The following IQUB variants were observed in gnomAD, a reference collection of about 807,000 sequenced individuals.
The protein encoded by IQUB is IQ motif and ubiquitin-like domain-containing protein.
A neutral mutation model predicts 86.4 loss-of-function variants in IQUB; 86 were observed. That is an observed-to-expected ratio of 1.00 (90% CI 0.84 to 1.19). IQUB has a LOEUF of 1.19. Ranked by LOEUF, IQUB falls within the 50% of genes most tolerant of loss-of-function variation. The pLI is 0.00. For missense variants in IQUB, 946 were observed against 916.9 expected, an observed-to-expected ratio of 1.03 and a Z score of -0.41; for synonymous variants, 289 against 304.5, an observed-to-expected ratio of 0.95 and a Z score of 0.53.
At chr7:123,479,558 A>G (rs1316893139) in intron 8 of IQUB, among the ~76,000 whole-genome samples, 2 of 152,116 alleles carry the variant, frequency 1.3e-5, no homozygotes, top group Non-Finnish European at 2.9e-5. Context: ...CTTCATGGCC[A>G]ATCCCCTTAA....
intron 7 of IQUB, among the ~76,000 whole-genome samples, chr7:123,483,143 A>G (rs1795077982): frequency 6.6e-6 from 1 of 152,046 alleles, no homozygotes; most frequent in Admixed American, 6.6e-5. Context: ...CTGTCCTTGC[A>G]CTTCCACAAG....
chr7:123,462,693 G>C (rs1385670259), intron 10 of IQUB: 1 of 313,030 alleles, frequency 3.2e-6, no homozygotes, highest in African/African-American at 2.2e-5. Flanking sequence ...TGTTTATCTT[G>C]AATGATTATT....
At chr7:123,520,793 G>C (rs1796869102) in intron 1 of IQUB, among the ~76,000 whole-genome samples, 1 of 152,094 alleles carries the variant, frequency 6.6e-6, no homozygotes, top group African/African-American at 2.4e-5. Flanking sequence ...GGTGACAGTA[G>C]AGGAGATGAT....
rs71161484 is a variant in IQUB, at chr7:123,493,731, A to ATGTGTGTGTGTG, written c.1234+2953_1234+2964dup. On this transcript the variant is annotated intron_variant, in intron 7 of 12. Coordinates refer to ENST00000324698, the MANE Select transcript of IQUB (RefSeq NM_178827.5). The stretch of plus-strand genomic sequence containing the variant: ...TACACCCTGAGAGAAATGTGTGTGT[A>ATGTGTGTGTGTG]TGTGTGTGTGTGTGTGTGTGTGTGT... Among the ~76,000 whole-genome samples the ATGTGTGTGTGTG allele has an allele frequency of 3.5e-3, 397 of 112,618 alleles. 3 individuals are homozygous for ATGTGTGTGTGTG. The highest frequency in any genetic ancestry group is 4.4e-3 in the Middle Eastern group (1 of 228). 73.9% of individuals were successfully genotyped at this position (112,618 alleles called of 152,430 possible).
At chr7:123,487,137 C>G (rs1441564779) in intron 7 of IQUB, among the ~76,000 whole-genome samples, 1 of 151,782 alleles carries the variant, frequency 6.6e-6, no homozygotes, top group Non-Finnish European at 1.5e-5. Flanking sequence ...CTTCTTCACT[C>G]TCTCTCTCTC....
At position 123,452,638 on chromosome 7, in the gene IQUB, AAATC is replaced by A. The variant is rs1793475143; in HGVS notation, c.*101_*104del. The A allele has an allele frequency of 1.5e-6, 1 of 666,228 alleles. No homozygotes were observed. The highest frequency in any genetic ancestry group is 2.3e-6 in the Non-Finnish European group (1 of 441,880). The allele number at this position is 666,228 out of a possible 1,614,324, so 41.3% of individuals were successfully genotyped here. ...AAAATACTATGAAAAACAAAAAACA[AAATC>A]AATAAACAGATTAAATTCCATTTCC... On this transcript the variant is annotated 3_prime_UTR_variant, in exon 13 of 13. Coordinates refer to ENST00000324698, the MANE Select transcript of IQUB (RefSeq NM_178827.5).
intron 10 of IQUB, among the ~76,000 whole-genome samples, chr7:123,462,083 C>A (rs1010739677): frequency 5.3e-5 from 8 of 151,656 alleles, no homozygotes; most frequent in African/African-American, 1.9e-4. Flanking sequence ...GTTTGAAATT[C>A]TATGTCTAAA....
chr7:123,514,326 G>A (rs2117276867), intron 1 of IQUB, among the ~76,000 whole-genome samples: 1 of 152,114 alleles, frequency 6.6e-6, no homozygotes, highest in South Asian at 2.1e-4. Flanking sequence ...GAAAACAGAA[G>A]CATTTACAAG....
intron 1 of IQUB, among the ~76,000 whole-genome samples, chr7:123,518,055 C>A (rs1326904655): frequency 6.6e-6 from 1 of 152,200 alleles, no homozygotes; most frequent in Non-Finnish European, 1.5e-5. Flanking sequence ...AATTTCATAA[C>A]TGTAACATGA....
intron 12 of IQUB, among the ~76,000 whole-genome samples, chr7:123,454,246 C>T (rs1793583574): frequency 6.6e-6 from 1 of 152,042 alleles, no homozygotes; most frequent in Non-Finnish European, 1.5e-5. Context: ...TATTAACTTA[C>T]ACATGTACAG....
chr7:123,483,942 T>C (rs182040333), intron 7 of IQUB, among the ~76,000 whole-genome samples: 1 of 152,224 alleles, frequency 6.6e-6, no homozygotes, highest in East Asian at 1.9e-4. Flanking sequence ...AGGTTTACTT[T>C]AAAATCAGTC....
At chr7:123,453,615 G>T (rs544991364) in intron 12 of IQUB, among the ~76,000 whole-genome samples, 1 of 151,998 alleles carries the variant, frequency 6.6e-6, no homozygotes, top group African/African-American at 2.4e-5. Context: ...GAAAGCTGAA[G>T]ATTAAATATG....
At chr7:123,509,048 C>T (rs1226365673) in intron 3 of IQUB, among the ~76,000 whole-genome samples, 1 of 152,118 alleles carries the variant, frequency 6.6e-6, no homozygotes, top group Non-Finnish European at 1.5e-5. Context: ...ACATGAACAT[C>T]TTACATTTAC....
chr7:123,519,400 A>G (rs1796797634), intron 1 of IQUB, among the ~76,000 whole-genome samples: 1 of 152,182 alleles, frequency 6.6e-6, no homozygotes, highest in Admixed American at 6.5e-5. Context: ...AATCAACCTA[A>G]GTGTCTACCA....
intron 1 of IQUB, among the ~76,000 whole-genome samples, chr7:123,521,381 G>A (rs1332869946): frequency 1.3e-5 from 2 of 151,970 alleles, no homozygotes; most frequent in Non-Finnish European, 1.5e-5. Flanking sequence ...AGTAACTCAC[G>A]CCTGTAATCC....
chr7:123,520,033 G>GTAGAGACA (rs915888102), intron 1 of IQUB, among the ~76,000 whole-genome samples: 42 of 144,486 alleles, frequency 2.9e-4, no homozygotes, highest in African/African-American at 9.5e-4. Context: ...TTAGCTGTGT[G>GTAGAGACA]TAGAGACACT....
chr7:123,468,633 AGTC>A (rs1794371558), intron 9 of IQUB, among the ~76,000 whole-genome samples: 1 of 152,194 alleles, frequency 6.6e-6, no homozygotes. Context: ...CACTGGCTGA[AGTC>A]ATTGTTCAGA....
chr7:123,496,802 T>C lies in IQUB; in HGVS notation c.1128A>G (p.Glu376=), dbSNP rs1319146509. The C allele has an allele frequency of 6.2e-7, 1 of 1,612,416 alleles. No individual in the cohort carries two copies. Among genetic ancestry groups the C allele is most frequent in the Non-Finnish European group, 8.5e-7 (1 of 1,178,932 alleles). ...CTTCTTTTTCTCTTATCTTCCTTAGTTCTTGCTGTGTTTCCCATTCCAGTC... is the reference window on the plus strand; with the variant it reads ...CTTCTTTTTCTCTTATCTTCCTTAGCTCTTGCTGTGTTTCCCATTCCAGTC... ...SLRLEWETQQ[E]LRKIREKEEW... Residue 376 remains glutamate, a synonymous_variant, in exon 7 of 13, where the codon GAA becomes GAG. Transcript: ENST00000324698.
rs1439985440 is a variant in IQUB at position 123,452,229 on chromosome 7, G to C, written c.*514C>G. On this transcript the variant is annotated 3_prime_UTR_variant, in exon 13 of 13. Coordinates refer to ENST00000324698, the MANE Select transcript of IQUB (RefSeq NM_178827.5). ...GTTGTTTTATTGGGATTATGAGAAG[G>C]ATGGAAGGTGAAAGCAGACGATAAA... Among the ~76,000 whole-genome samples the C allele has an allele frequency of 6.6e-6, 1 of 152,092 alleles. No homozygotes were observed. Among genetic ancestry groups the C allele is most frequent in the African/African-American group, 2.4e-5 (1 of 41,410 alleles).
Sources: allele counts gnomAD v4.1 joint callset (sites outside exome capture counted in the v4.1 genomes callset), GRCh38; gene constraint gnomAD v4.1.1; transcripts MANE v1.5; gene names NCBI Gene and HGNC (gene_info 2026-07-23, HGNC 2026-07-21).